The following BARD1 variants were observed in gnomAD, a reference collection of about 807,000 sequenced individuals.
The protein encoded by BARD1 is BRCA1 associated RING domain 1.
A neutral mutation model predicts 77.0 loss-of-function variants in BARD1; 73 were observed. The ratio of observed to expected loss-of-function variants is 0.95; its 90% CI spans 0.79 to 1.15. The LOEUF (loss-of-function observed/expected upper bound fraction) is 1.15, where lower values mean the gene tolerates loss of function less well. Among genes scored for constraint, BARD1 ranks in the 50% most tolerant of loss-of-function variants. The pLI is 0.00. For synonymous variants in BARD1, 384 were observed against 338.0 expected, an observed-to-expected ratio of 1.14 and a Z score of -1.49; for missense variants, 993 against 938.8, an observed-to-expected ratio of 1.06 and a Z score of -0.75.
chr2:214,769,149 G>T, intron 5 of BARD1, 83 bp downstream of exon 5: 1 of 1,137,746 alleles, frequency 8.8e-7, no homozygotes, highest in Non-Finnish European at 1.3e-6. Context: ...TGTGGCAGAG[G>T]ATGATATATA....
At chr2:214,746,750 C>T (rs1693136826) in intron 7 of BARD1, among the ~76,000 whole-genome samples, 1 of 152,078 alleles carries the variant, frequency 6.6e-6, no homozygotes, top group Non-Finnish European at 1.5e-5. Context: ...CCATTAAAAA[C>T]CCTAGAAGAA....
At chr2:214,784,927 A>G (rs902601247) in intron 3 of BARD1, among the ~76,000 whole-genome samples, 2 of 152,008 alleles carry the variant, frequency 1.3e-5, no homozygotes, top group Non-Finnish European at 1.5e-5. Flanking sequence ...CCTAATGTAC[A>G]TGACAGGTTG....
intron 7 of BARD1, among the ~76,000 whole-genome samples, chr2:214,747,927 T>C (rs1693218695): frequency 6.6e-6 from 1 of 151,850 alleles, no homozygotes; most frequent in Admixed American, 6.6e-5. Context: ...GTGTACTTTA[T>C]GGATTGTTCA....
At chr2:214,792,657 T>C (rs1189471770) in intron 2 of BARD1, among the ~76,000 whole-genome samples, 2 of 152,168 alleles carry the variant, frequency 1.3e-5, no homozygotes. Context: ...GAGACTTTAC[T>C]TAGCCTGATT....
rs76044137 is a variant in BARD1 at position 214,774,673 on chromosome 2, C to G, written c.1315-5361G>C. 1.8e-3 allele frequency among the ~76,000 whole-genome samples: 275 copies of G among 152,294 alleles called. 1 individual carries two copies. The East Asian group carries it at 0.019, about 11-fold the overall frequency. On this transcript the variant is annotated intron_variant, in intron 4 of 10. Coordinates refer to ENST00000260947, the MANE Select transcript of BARD1 (RefSeq NM_000465.4). ...CTGCATTAGCCCCTAACAAGAAAGC[C>G]TGTCCTTTGAAGCCAGGCATTGACT... is the stretch of plus-strand genomic sequence containing the variant.
At chr2:214,793,575 A>G (rs899328708) in intron 2 of BARD1, among the ~76,000 whole-genome samples, 1 of 152,242 alleles carries the variant, frequency 6.6e-6, no homozygotes, top group African/African-American at 2.4e-5. Context: ...AATTATCAGT[A>G]AAATACAATC....
At position 214,728,793 on chromosome 2, in the gene BARD1, A is replaced by C; in HGVS notation, c.2217T>G (p.Tyr739Ter). The change falls in exon 11 of 11, where the codon TAT becomes TAG. Residue 739 changes from tyrosine (Y) to a stop codon, truncating the protein, a stop_gained. Coordinates refer to ENST00000260947, the MANE Select transcript of BARD1 (RefSeq NM_000465.4). LOFTEE classifies it high-confidence loss of function. ...DQRFCTQYII[Y>*]EDLCNYHPER... ...CTGGGTGATAATTACACAAATCTTC[A>C]TAGATGATATACTGTGTGCAGAAGC... The C allele has an allele frequency of 1.9e-6, 3 of 1,614,202 alleles. No individual in the cohort carries two copies. Among genetic ancestry groups the C allele is most frequent in the Non-Finnish European group, 1.7e-6 (2 of 1,180,016 alleles).
At chr2:214,757,554 A>G (rs1356337610) in intron 6 of BARD1, among the ~76,000 whole-genome samples, 1 of 152,200 alleles carries the variant, frequency 6.6e-6, no homozygotes. Context: ...TGCATGATAT[A>G]TATATTGCAT....
chr2:214,806,730 C>T (rs1016442464), intron 1 of BARD1, among the ~76,000 whole-genome samples: 2 of 151,824 alleles, frequency 1.3e-5, no homozygotes, highest in East Asian at 1.9e-4. Flanking sequence ...AAAAATTAGC[C>T]GGGCATGGTG....
intron 2 of BARD1, among the ~76,000 whole-genome samples, chr2:214,793,177 C>G (rs1205628005): frequency 6.6e-6 from 1 of 152,160 alleles, no homozygotes; most frequent in Non-Finnish European, 1.5e-5. Flanking sequence ...TGAAAAGCCA[C>G]ATCTTCCCCA....
At chr2:214,805,273 C>G (rs1366972147) in intron 1 of BARD1, among the ~76,000 whole-genome samples, 1 of 152,220 alleles carries the variant, frequency 6.6e-6, no homozygotes, top group African/African-American at 2.4e-5. Flanking sequence ...ACAATTTACC[C>G]TGAACTTGTA....
chr2:214,807,226 AAATC>A, intron 1 of BARD1, among the ~76,000 whole-genome samples: 1 of 152,294 alleles, frequency 6.6e-6, no homozygotes, highest in Middle Eastern at 3.4e-3. Context: ...AAAAAAAAAA[AAATC>A]AATAGCATTC....
In BARD1 at chr2:214,725,868, T is replaced by C. The variant is rs1692064073; in HGVS notation, c.*2808A>G. 1.3e-5 allele frequency: 3 copies of C among 222,864 alleles called. No individual in the cohort carries two copies. The highest frequency in any genetic ancestry group is 2.7e-5 in the Non-Finnish European group (3 of 111,540). 13.8% of individuals were successfully genotyped at this position (222,864 alleles called of 1,614,324 possible). A position where few individuals can be genotyped will look rare whatever the true frequency, so the allele number is the denominator to read the frequency against. On this transcript the variant is annotated 3_prime_UTR_variant, in exon 11 of 11. Coordinates refer to ENST00000260947, the MANE Select transcript of BARD1 (RefSeq NM_000465.4). ...GTGACTGTAATGAGGCCCATGAACGTTTAGAATATGATTAATGCATTTTCC... is the reference window on the plus strand; with the variant it reads ...GTGACTGTAATGAGGCCCATGAACGCTTAGAATATGATTAATGCATTTTCC...
chr2:214,751,125 A>G (rs1170137739), intron 7 of BARD1, among the ~76,000 whole-genome samples: 236 of 12,610 alleles, frequency 0.019, 13 homozygotes, highest in Middle Eastern at 0.05. Context: ...GTGTATATAT[A>G]TATATATATA....
chr2:214,799,517 TCAC>T (rs1695917144), intron 1 of BARD1, among the ~76,000 whole-genome samples: 1 of 152,240 alleles, frequency 6.6e-6, no homozygotes, highest in East Asian at 1.9e-4. Context: ...TTTTATCTCT[TCAC>T]CAGTCATCTT....
intron 7 of BARD1, among the ~76,000 whole-genome samples, chr2:214,751,474 T>A (rs1006823613): frequency 2.0e-5 from 3 of 151,874 alleles, no homozygotes; most frequent in African/African-American, 7.3e-5. Flanking sequence ...TTCTGTGAAA[T>A]TTTTCCTGAC....
chr2:214,785,334 T>A, intron 3 of BARD1, among the ~76,000 whole-genome samples: 1 of 152,154 alleles, frequency 6.6e-6, no homozygotes, highest in South Asian at 2.1e-4. Flanking sequence ...AGTTGTCTTA[T>A]GTTGTTTTTG....
At chr2:214,804,637 T>C (rs1309783146) in intron 1 of BARD1, among the ~76,000 whole-genome samples, 1 of 152,176 alleles carries the variant, frequency 6.6e-6, no homozygotes, top group Non-Finnish European at 1.5e-5. Context: ...CCTCATTTTA[T>C]AGATGAGGAA....
At chr2:214,809,199 G>T (rs1461320387) in intron 1 of BARD1, among the ~76,000 whole-genome samples, 1 of 152,220 alleles carries the variant, frequency 6.6e-6, no homozygotes, top group African/African-American at 2.4e-5. Context: ...GTTGGATTCA[G>T]GGCAAGGGGA....
Sources: gnomAD v4.1 joint callset for allele counts (sites outside exome capture counted in the v4.1 genomes callset) on GRCh38, gnomAD v4.1.1 for gene constraint, MANE v1.5 for transcripts, NCBI Gene and HGNC (gene_info 2026-07-23, HGNC 2026-07-21) for gene names.